The following ITPR1 variants were observed in gnomAD, a reference collection of about 807,000 sequenced individuals.
The protein encoded by ITPR1 is inositol 1,4,5-trisphosphate-gated calcium channel ITPR1.
In ITPR1, 96 loss-of-function variants were observed where a neutral mutation model predicts 318.4. That is an observed-to-expected ratio of 0.30 (90% confidence interval 0.26 to 0.36). The LOEUF is 0.36. Among genes scored for constraint, ITPR1 ranks in the 10% least tolerant of loss-of-function variants. ITPR1 has a pLI of 1.00. For synonymous variants in ITPR1, 1,312 were observed against 1,289.9 expected (o/e 1.02, Z -0.37); for missense variants, 2,440 against 3,460.2 (o/e 0.71, Z 7.40).
intron 4 of ITPR1, among the ~76,000 whole-genome samples, chr3:4,604,005 T>A (rs1178179621): frequency 1.3e-5 from 2 of 152,194 alleles, no homozygotes; most frequent in Admixed American, 6.5e-5. Flanking sequence ...TCTTTTTAAA[T>A]TTTTTAATAG....
intron 40 of ITPR1, among the ~76,000 whole-genome samples, chr3:4,719,452 G>A (rs1284387402): frequency 6.6e-6 from 1 of 152,190 alleles, no homozygotes; most frequent in Non-Finnish European, 1.5e-5. Context: ...TGTACTCCTG[G>A]AAACCTGCAG....
chr3:4,645,775 C>T (rs2125159987), intron 10 of ITPR1, 47 bp downstream of exon 10: 1 of 1,474,222 alleles, frequency 6.8e-7, no homozygotes, highest in Non-Finnish European at 9.0e-7. Context: ...AGGATATCAG[C>T]CTGTATATAG....
chr3:4,513,973 G>C (rs1384425071), intron 2 of ITPR1, among the ~76,000 whole-genome samples: 1 of 152,022 alleles, frequency 6.6e-6, no homozygotes, highest in Non-Finnish European at 1.5e-5. Context: ...TGTAATCCCA[G>C]CTACTCAGGA....
At chr3:4,702,433 A>G (rs1197417359) in intron 35 of ITPR1, among the ~76,000 whole-genome samples, 5 of 152,180 alleles carry the variant, frequency 3.3e-5, no homozygotes, top group African/African-American at 1.2e-4. Flanking sequence ...GTCTGCCTCA[A>G]TCCACTTATT....
intron 4 of ITPR1, among the ~76,000 whole-genome samples, chr3:4,603,816 G>A (rs2125087157): frequency 6.6e-6 from 1 of 152,294 alleles, no homozygotes; most frequent in African/African-American, 2.4e-5. Context: ...GAGTGCGTGT[G>A]TCTTTTTGGT....
chr3:4,817,994 C>T (rs1257711411), intron 59 of ITPR1, 88 bp from the exon 60 acceptor site: 2 of 1,075,992 alleles, frequency 1.9e-6, no homozygotes. Context: ...AAACCACAGC[C>T]CCCTTTCTAC....
In ITPR1 at chr3:4,845,665, C is replaced by T. The variant is rs200019368; in HGVS notation, c.8191-474C>T. The stretch of plus-strand genomic sequence containing the variant: ...AGTTATGGTAGGTAATTTTTTTTTT[C>T]TCTAACCAACTACTCAAGAGTCATT... On this transcript the variant is annotated intron_variant, in intron 61 of 61. Transcript: ENST00000649015. Among the ~76,000 whole-genome samples, 33 of 149,990 alleles carry T rather than the reference C, an allele frequency of 2.2e-4. No homozygotes were observed. In the East Asian group the frequency reaches 6.4e-3, roughly 29 times the overall value.
In ITPR1 at chr3:4,681,383, C is replaced by T; in HGVS notation, c.3126C>T (p.His1042=). The T allele has an allele frequency of 1.9e-6, 3 of 1,612,614 alleles. No individual in the cohort carries two copies. Among genetic ancestry groups the T allele is most frequent in the Non-Finnish European group, 2.5e-6 (3 of 1,178,954 alleles). Residue 1042 remains histidine, a synonymous_variant, in exon 26 of 62, where the codon CAC becomes CAT. Coordinates refer to ENST00000649015, the MANE Select transcript of ITPR1 (RefSeq NM_001378452.1). ...TTTCAGGTGCTCTTGACTTTGAACA[C>T]ATTGAAGAACAAGCAGAAGGCATCT... ...SNVPGALDFE[H]IEEQAEGIFG... is the part of the protein sequence containing the mutation.
At chr3:4,699,707 C>T in intron 34 of ITPR1, 106 bp from the exon 35 acceptor site, 1 of 1,083,460 alleles carries the variant, frequency 9.2e-7, no homozygotes, top group Non-Finnish European at 1.4e-6. Context: ...GCCAGCAGGC[C>T]TTTACCTTTC....
intron 44 of ITPR1, among the ~76,000 whole-genome samples, chr3:4,746,187 G>C (rs1328174081): frequency 6.6e-6 from 1 of 152,200 alleles, no homozygotes; most frequent in East Asian, 1.9e-4. Context: ...TAGCCTTTTA[G>C]TGGCCTCCTG....
At chr3:4,831,203 A>G (rs1036560178) in intron 60 of ITPR1, 2 of 361,758 alleles carry the variant, frequency 5.5e-6, no homozygotes, top group Non-Finnish European at 1.1e-5. Flanking sequence ...AGGACATTTC[A>G]AGAGGTTGGT....
At chr3:4,724,182 G>A (rs779031440) in intron 40 of ITPR1, among the ~76,000 whole-genome samples, 2 of 152,194 alleles carry the variant, frequency 1.3e-5, no homozygotes, top group African/African-American at 2.4e-5. Flanking sequence ...ACTCATGCAG[G>A]AAAGGTCGTC....
intron 4 of ITPR1, among the ~76,000 whole-genome samples, chr3:4,523,668 G>C (rs1284123038): frequency 1.3e-5 from 2 of 152,180 alleles, no homozygotes; most frequent in Admixed American, 1.3e-4. Flanking sequence ...GCAAGATCAT[G>C]TGGTATTCGT....
At chr3:4,661,370 A>G (rs901944405) in intron 14 of ITPR1, among the ~76,000 whole-genome samples, 1 of 152,212 alleles carries the variant, frequency 6.6e-6, no homozygotes, top group Admixed American at 6.5e-5. Flanking sequence ...GACTGTCTGA[A>G]GGATAATTTG....
chr3:4,728,310 G>A (rs1350338760), intron 42 of ITPR1, among the ~76,000 whole-genome samples: 1 of 152,204 alleles, frequency 6.6e-6, no homozygotes, highest in East Asian at 1.9e-4. Context: ...TGGTGACACA[G>A]GCTTCATCCG....
At chr3:4,700,423 C>T (rs751633882) in intron 35 of ITPR1, among the ~76,000 whole-genome samples, 6 of 152,108 alleles carry the variant, frequency 3.9e-5, no homozygotes, top group Admixed American at 2.0e-4. Context: ...ATTTGTTGAA[C>T]AAATGAATAA....
chr3:4,583,668 G>A (rs116252990), intron 4 of ITPR1, among the ~76,000 whole-genome samples: 1,822 of 152,208 alleles, frequency 0.012, 47 homozygotes, highest in African/African-American at 0.041. Flanking sequence ...GTAAAGCTGC[G>A]GGGTTCGTTA....
chr3:4,632,608 A>G (rs780886539), intron 5 of ITPR1, among the ~76,000 whole-genome samples: 6 of 152,224 alleles, frequency 3.9e-5, no homozygotes, highest in East Asian at 1.9e-4. Context: ...AACTAATTCA[A>G]TTAAGGCTTG....
At chr3:4,754,051 G>GGC (rs1559835926) in intron 44 of ITPR1, among the ~76,000 whole-genome samples, 1 of 129,642 alleles carries the variant, frequency 7.7e-6, no homozygotes, top group African/African-American at 2.7e-5. Context: ...CAGAAAATGG[G>GGC]GGGGGGGTGG....
Sources: gnomAD v4.1 joint callset for allele counts (sites outside exome capture counted in the v4.1 genomes callset) on GRCh38, gnomAD v4.1.1 for gene constraint, MANE v1.5 for transcripts, NCBI Gene and HGNC (gene_info 2026-07-23, HGNC 2026-07-21) for gene names.